The following RUNX2 variants were observed in gnomAD, a reference collection of about 807,000 sequenced individuals.
RUNX2 encodes the protein RUNX family transcription factor 2, also known as runt-related transcription factor 2.
RUNX2 carries 10 observed loss-of-function variants against 51.7 expected under a neutral mutation model. That is an observed-to-expected ratio of 0.19 (90% CI 0.12 to 0.33). The LOEUF (loss-of-function observed/expected upper bound fraction) is 0.33, where lower values mean the gene tolerates loss of function less well. Among genes scored for constraint, RUNX2 ranks in the 10% least tolerant of loss-of-function variants. RUNX2 has a pLI of 1.00. For synonymous variants in RUNX2, 276 were observed against 273.6 expected (o/e 1.01, Z -0.09); for missense variants, 562 against 691.3 (o/e 0.81, Z 2.10).
intron 5 of RUNX2, among the ~76,000 whole-genome samples, chr6:45,491,330 C>T (rs1464762222): frequency 1.3e-5 from 2 of 152,158 alleles, no homozygotes; most frequent in East Asian, 3.9e-4. Context: ...TATCCAGATT[C>T]CTCTTGAGAA....
At chr6:45,437,843 C>A in intron 4 of RUNX2, 104 bp from the exon 5 acceptor site, 1 of 844,682 alleles carries the variant, frequency 1.2e-6, no homozygotes. Context: ...GTTTCATTGC[C>A]TCCTTAGAGA....
At chr6:45,496,654 C>T (rs1582174264) in intron 6 of RUNX2, among the ~76,000 whole-genome samples, 1 of 152,180 alleles carries the variant, frequency 6.6e-6, no homozygotes, top group East Asian at 1.9e-4. Context: ...TCTTGGGGGC[C>T]ACAATAGTGG....
intron 7 of RUNX2, among the ~76,000 whole-genome samples, chr6:45,514,715 T>C (rs1028390825): frequency 6.6e-6 from 1 of 152,158 alleles, no homozygotes; most frequent in African/African-American, 2.4e-5. Flanking sequence ...AAGCACTGCC[T>C]GGTGGACTCA....
chr6:45,547,382 G>T lies in RUNX2; in HGVS notation c.*77G>T. 8.8e-7 allele frequency: 1 copy of T among 1,140,752 alleles called. No individual in the cohort carries two copies. Among genetic ancestry groups the T allele is most frequent in the Non-Finnish European group, 1.3e-6 (1 of 755,574 alleles). 70.7% of individuals were successfully genotyped at this position (1,140,752 alleles called of 1,614,324 possible). On this transcript the variant is annotated 3_prime_UTR_variant, in exon 9 of 9. Coordinates refer to ENST00000647337, the MANE Select transcript of RUNX2 (RefSeq NM_001024630.4). Reference sequence around the variant, plus strand: ...CAATATATACATATATAGAGAGAGTGCATATATATGTATATCGATTAGCTA... The same window carrying T: ...CAATATATACATATATAGAGAGAGTTCATATATATGTATATCGATTAGCTA...
chr6:45,407,421 C>A (rs1797861243), intron 2 of RUNX2, among the ~76,000 whole-genome samples: 1 of 152,144 alleles, frequency 6.6e-6, no homozygotes, highest in Non-Finnish European at 1.5e-5. Context: ...AATACATGAA[C>A]AAGATCCTCC....
chr6:45,337,677 C>T (rs758336514), intron 2 of RUNX2, among the ~76,000 whole-genome samples: 11 of 151,638 alleles, frequency 7.3e-5, no homozygotes, highest in Non-Finnish European at 1.5e-4. Context: ...CAGAGCAAAA[C>T]ATTTTGAATG....
intron 2 of RUNX2, among the ~76,000 whole-genome samples, chr6:45,410,063 A>C (rs1393587264): frequency 6.6e-6 from 1 of 152,184 alleles, no homozygotes; most frequent in African/African-American, 2.4e-5. Context: ...TTTGGGTTTT[A>C]CTTTTTAAAC....
At chr6:45,409,875 C>A (rs1238554660) in intron 2 of RUNX2, among the ~76,000 whole-genome samples, 1 of 152,144 alleles carries the variant, frequency 6.6e-6, no homozygotes, top group Non-Finnish European at 1.5e-5. Flanking sequence ...GGAACTTACA[C>A]TCTATATGGA....
intron 5 of RUNX2, among the ~76,000 whole-genome samples, chr6:45,481,380 C>G (rs901138568): frequency 2.0e-5 from 3 of 152,188 alleles, no homozygotes; most frequent in Non-Finnish European, 4.4e-5. Context: ...CTTTGCATCT[C>G]TCAGTGGGGT....
chr6:45,420,456 A>G (rs949045256), intron 2 of RUNX2, among the ~76,000 whole-genome samples: 8 of 152,176 alleles, frequency 5.3e-5, no homozygotes, highest in Non-Finnish European at 1.0e-4. Context: ...AACACCCAGT[A>G]ATGGGTATGT....
intron 7 of RUNX2, among the ~76,000 whole-genome samples, chr6:45,529,740 G>A (rs1023299703): frequency 6.6e-5 from 10 of 152,142 alleles, no homozygotes; most frequent in African/African-American, 2.4e-4. Flanking sequence ...GAAAAAAACA[G>A]TCACTTTAAA....
At chr6:45,380,016 A>G (rs564698468) in intron 2 of RUNX2, among the ~76,000 whole-genome samples, 19 of 152,368 alleles carry the variant, frequency 1.2e-4, no homozygotes, top group Non-Finnish European at 2.2e-4. Context: ...TTTTAAAGTC[A>G]CATGAGTTAA....
intron 7 of RUNX2, among the ~76,000 whole-genome samples, chr6:45,515,493 G>T (rs546750833): frequency 6.6e-6 from 1 of 152,160 alleles, no homozygotes; most frequent in Non-Finnish European, 1.5e-5. Flanking sequence ...ATATCCATAT[G>T]TAATTTACAG....
At chr6:45,512,170 T>G in intron 6 of RUNX2, 76 bp from the exon 7 acceptor site, 13 of 1,462,930 alleles carry the variant, frequency 8.9e-6, no homozygotes, top group Non-Finnish European at 1.0e-5. Flanking sequence ...GCTTTTTCCT[T>G]TCTGAGTTTT....
chr6:45,502,839 G>A (rs901769557), intron 6 of RUNX2, among the ~76,000 whole-genome samples: 1 of 152,190 alleles, frequency 6.6e-6, no homozygotes, highest in East Asian at 1.9e-4. Flanking sequence ...ATTGCATTTA[G>A]GATAAAGATT....
chr6:45,541,194 A>C (rs1582225220), intron 7 of RUNX2, among the ~76,000 whole-genome samples: 1 of 152,074 alleles, frequency 6.6e-6, no homozygotes, highest in African/African-American at 2.4e-5. Flanking sequence ...GCCTCTTACA[A>C]TGTACTAGGT....
chr6:45,404,469 A>G (rs894386117), intron 2 of RUNX2, among the ~76,000 whole-genome samples: 2 of 151,970 alleles, frequency 1.3e-5, no homozygotes, highest in African/African-American at 2.4e-5. Context: ...TCTCCTCCCC[A>G]TTTATTGAAA....
At chr6:45,376,882 T>C (rs1441907119) in intron 2 of RUNX2, among the ~76,000 whole-genome samples, 2 of 152,184 alleles carry the variant, frequency 1.3e-5, no homozygotes, top group Admixed American at 6.5e-5. Flanking sequence ...CATATACTTA[T>C]ATACACACAT....
intron 7 of RUNX2, among the ~76,000 whole-genome samples, chr6:45,522,073 T>C (rs1801523669): frequency 6.6e-6 from 1 of 152,248 alleles, no homozygotes. Context: ...ATTTTAATAA[T>C]GTCATCTAAT....
Sources: gnomAD v4.1 joint callset for allele counts (sites outside exome capture counted in the v4.1 genomes callset) on GRCh38, gnomAD v4.1.1 for gene constraint, MANE v1.5 for transcripts, NCBI Gene and HGNC (gene_info 2026-07-23, HGNC 2026-07-21) for gene names.